Variants in ANO7 observed in about 807,000 individuals in gnomAD.
The protein encoded by ANO7 is anoctamin 7.
A neutral mutation model predicts 115.8 loss-of-function variants in ANO7; 114 were observed. The observed-to-expected ratio is 0.98, with a 90% CI of 0.85 to 1.15. ANO7 has a LOEUF of 1.15. Ranked by LOEUF, ANO7 falls within the 50% of genes most tolerant of loss-of-function variation. ANO7 has a pLI of 0.00. For missense variants in ANO7, 1,302 were observed against 1,201.2 expected (o/e 1.08, Z -1.24); for synonymous variants, 550 against 498.2 (o/e 1.10, Z -1.38).
Position 241,223,222 on chromosome 2 carries a change from C to G in ANO7, c.2358C>G (p.Ser786=). Residue 786 remains serine (S), a synonymous_variant, in exon 22 of 25, where the codon TCC becomes TCG. Coordinates refer to ENST00000674324, the MANE Select transcript of ANO7 (RefSeq NM_001370694.2). ...TCCGGGATGACGATGGACATTATTCCCAGACCTACTGGAATCTTCTTGCCA... is the reference window on the plus strand; with the variant it reads ...TCCGGGATGACGATGGACATTATTCGCAGACCTACTGGAATCTTCTTGCCA... ...RAFRDDDGHY[S]QTYWNLLAIR... is the part of the protein sequence containing the mutation. The G allele has an allele frequency of 1.9e-6, 3 of 1,614,216 alleles. No homozygotes were observed. In the East Asian group the frequency reaches 6.7e-5, roughly 36 times the overall value.
At chr2:241,239,705 C>T in the ANO7 span, 3 of 1,614,194 alleles carry the variant, frequency 1.9e-6, no homozygotes, top group Non-Finnish European at 1.7e-6. The surrounding 1 kb of genome is among the most constrained non-coding windows in gnomAD (Gnocchi z 4.6). Flanking sequence ...GCGTGGGAAG[C>T]TGACCATCAC....
At chr2:241,209,225 G>A (rs1045006655) in intron 11 of ANO7, 60 bp from the exon 12 acceptor site, 20 of 1,502,128 alleles carry the variant, frequency 1.3e-5, no homozygotes, top group Non-Finnish European at 1.8e-5. Context: ...AAGGAACACT[G>A]GAAGGAACAA....
intron 10 of ANO7, among the ~76,000 whole-genome samples, chr2:241,205,737 C>T (rs1450651513): frequency 7.7e-5 from 7 of 90,828 alleles, no homozygotes; most frequent in Non-Finnish European, 1.4e-4. Context: ...GACAGGAGTG[C>T]TCCCAGGCTG....
intron 21 of ANO7, among the ~76,000 whole-genome samples, chr2:241,222,437 G>C (rs1013977472): frequency 6.6e-6 from 1 of 151,804 alleles, no homozygotes; most frequent in East Asian, 1.9e-4. Context: ...CCCCAAGTGT[G>C]CTCTCTGTGT....
the ANO7 span, chr2:241,233,682 G>T: frequency 1.1e-6 from 1 of 881,722 alleles, no homozygotes; most frequent in Non-Finnish European, 1.8e-6. This position sits in a 1 kb window ranked among gnomAD's most constrained non-coding sequence, Gnocchi z 4.3. Flanking sequence ...CCTCAAGCCA[G>T]AATTAGGTCC....
chr2:241,209,383 CA>C lies in ANO7; in HGVS notation c.1177del (p.Thr393ArgfsTer28), dbSNP rs776057204. 1 of 1,582,912 alleles carries C rather than the reference CA, an allele frequency of 6.3e-7. No homozygotes were observed. The highest frequency in any genetic ancestry group is 1.1e-5 in the South Asian group (1 of 86,974). ...TGGAGTACTGGAAGCGGAAGAGCGC[CA>C]CGCTGGCCTACCGCTGGGACTGCTC... ...LLEYWKRKSATLAYRWDCSDY... is the reference protein window; with the variant it reads ...LLEYWKRKSAXLAYRWDCSDY... On this transcript the variant is annotated frameshift_variant, in exon 12 of 25. Coordinates refer to ENST00000674324, the MANE Select transcript of ANO7 (RefSeq NM_001370694.2). LOFTEE classifies it high-confidence loss of function.
chr2:241,236,984 G>GCT, the ANO7 span, among the ~76,000 whole-genome samples: 1 of 148,220 alleles, frequency 6.7e-6, no homozygotes, highest in Non-Finnish European at 1.5e-5. Flanking sequence ...CCTTGGGGGG[G>GCT]GGGGGGGGGG....
intron 10 of ANO7, 122 bp downstream of exon 10, chr2:241,205,077 T>C: frequency 1.3e-6 from 1 of 771,098 alleles, no homozygotes; most frequent in Non-Finnish European, 2.2e-6. Context: ...GATTGAGGTG[T>C]GAGGTGAGCA....
At position 241,222,233 on chromosome 2, in the gene ANO7, C is replaced by CATAG. The variant is rs2069038473; in HGVS notation, c.2322-950_2322-949insGATA. Among the ~76,000 whole-genome samples, 15 of 143,344 alleles carry CATAG rather than the reference C, an allele frequency of 1.0e-4. 2 individuals are homozygous for CATAG. The South Asian group carries it at 3.6e-3, about 34-fold the overall frequency. The allele number at this position is 143,344 out of a possible 152,430, so 94.0% of individuals were successfully genotyped here. A position where few individuals can be genotyped will look rare whatever the true frequency, so the allele number is the denominator to read the frequency against. Reference sequence around the variant, plus strand: ...TGGGCAACAGAGCGAGACTCTGTCTCATAAATAAATAAATAAATAAATAAA... The same window carrying CATAG: ...TGGGCAACAGAGCGAGACTCTGTCTCATAGATAAATAAATAAATAAATAAATAAA... On this transcript the variant is annotated intron_variant, in intron 21 of 24. Transcript: ENST00000674324.
intron 10 of ANO7, among the ~76,000 whole-genome samples, chr2:241,205,397 C>G (rs2068568739): frequency 6.7e-6 from 1 of 148,330 alleles, no homozygotes; most frequent in African/African-American, 2.5e-5. Context: ...CCCAGGCTGA[C>G]AGGTAGCTAG....
intron 22 of ANO7, 93 bp downstream of exon 22, chr2:241,223,369 C>T (rs758818372): frequency 1.9e-5 from 26 of 1,368,684 alleles, no homozygotes; most frequent in African/African-American, 5.7e-5. Context: ...GGGTCGGTGC[C>T]GTCACTTCCT....
In ANO7 at chr2:241,190,906, G is replaced by A. The variant is rs1381345231; in HGVS notation, c.109-288G>A. On this transcript the variant is annotated intron_variant, in intron 2 of 24. Coordinates refer to ENST00000674324, the MANE Select transcript of ANO7 (RefSeq NM_001370694.2). ...CCCGCCAACCTGACCCTTGCCATGG[G>A]CCTGGCCCAAGGAGGAGGGGAGCCG... Among the ~76,000 whole-genome samples, 7 of 152,336 alleles carry A rather than the reference G, an allele frequency of 4.6e-5. No homozygotes were observed. The East Asian group carries it at 1.4e-3, about 29-fold the overall frequency.
In ANO7 at chr2:241,209,432, AG is replaced by A; in HGVS notation, c.1221+5del. 6.3e-7 allele frequency: 1 copy of A among 1,595,024 alleles called. No individual in the cohort carries two copies. Among genetic ancestry groups the A allele is most frequent in the African/African-American group, 1.3e-5 (1 of 74,576 alleles). ...CTCTGACTACGAGGACACTGAGGTGAGCCACCCCCGCTGGACCACGGTCACA... is the reference window on the plus strand; with the variant it reads ...CTCTGACTACGAGGACACTGAGGTGACCACCCCCGCTGGACCACGGTCACA... On this transcript the variant is annotated splice_donor_5th_base_variant and intron_variant, in intron 12 of 24. Transcript: ENST00000674324.
At chr2:241,226,871 C>T (rs1027219818), downstream of ANO7, among the ~76,000 whole-genome samples, 11 of 152,186 alleles carry the variant, frequency 7.2e-5, no homozygotes, top group African/African-American at 2.4e-4. Flanking sequence ...CACTCAACGC[C>T]CCTCCCTCCT....
rs774578309 is a variant in ANO7 at position 241,223,177 on chromosome 2, C to G, written c.2322-9C>G. The G allele has an allele frequency of 1.2e-6, 2 of 1,613,642 alleles. No homozygotes were observed. Among genetic ancestry groups the G allele is most frequent in the Non-Finnish European group, 8.5e-7 (1 of 1,179,652 alleles). ...TGGCTGCGCGCACTGAGTCCTGTGT[C>G]TGCTGCAGGTATCGGGCTTTCCGGG... On this transcript the variant is annotated splice_polypyrimidine_tract_variant and intron_variant, in intron 21 of 24. Coordinates refer to ENST00000674324, the MANE Select transcript of ANO7 (RefSeq NM_001370694.2).
intron 21 of ANO7, 57 bp downstream of exon 21, chr2:241,218,438 G>A (rs2068923541): frequency 1.6e-6 from 2 of 1,252,894 alleles, no homozygotes; most frequent in East Asian, 3.4e-5. Flanking sequence ...GGCGGAGCGG[G>A]GCTCGGGTGG....
chr2:241,191,399 G>A, intron 3 of ANO7, 148 bp downstream of exon 3: 1 of 942,006 alleles, frequency 1.1e-6, no homozygotes, highest in Non-Finnish European at 1.6e-6. Flanking sequence ...CTGGGGTGAG[G>A]GCCTCGGGGT....
the ANO7 span, chr2:241,238,383 A>C: frequency 4.0e-5 from 12 of 303,764 alleles, no homozygotes; most frequent in South Asian, 1.7e-3. This position sits in a 1 kb window ranked among gnomAD's most constrained non-coding sequence, Gnocchi z 4.9. Context: ...CCCGAGGATG[A>C]GGCTGCACGC....
At chr2:241,229,961 G>A, downstream of ANO7, 1 of 1,594,688 alleles carries the variant, frequency 6.3e-7, no homozygotes, top group South Asian at 1.1e-5. Context: ...ACGTCAGCTA[G>A]CTGCAGGCAG....
Sources: gnomAD v4.1 joint callset for allele counts (sites outside exome capture counted in the v4.1 genomes callset) on GRCh38, gnomAD v4.1.1 for gene constraint, Gnocchi (gnomAD v3.1) non-coding constraint, MANE v1.5 for transcripts, NCBI Gene and HGNC (gene_info 2026-07-23, HGNC 2026-07-21) for gene names.